ANKRD28: variants seen among roughly 807,000 people sequenced by gnomAD.
ANKRD28 encodes the protein ankyrin repeat domain 28.
Under a neutral mutation model 126.5 loss-of-function variants are expected in ANKRD28, and 44 were observed. The observed-to-expected ratio is 0.35, with a 90% confidence interval of 0.27 to 0.45. The LOEUF (loss-of-function observed/expected upper bound fraction) is 0.45, where lower values mean the gene tolerates loss of function less well. Ranked by LOEUF, ANKRD28 falls within the 20% of genes least tolerant of loss-of-function variation. The pLI is 1.00. For synonymous variants in ANKRD28, 442 were observed against 468.5 expected, an observed-to-expected ratio of 0.94 and a Z score of 0.73; for missense variants, 1,110 against 1,316.6, an observed-to-expected ratio of 0.84 and a Z score of 2.43.
intron 1 of ANKRD28, among the ~76,000 whole-genome samples, chr3:15,806,240 A>G (rs959036171): frequency 6.6e-6 from 1 of 152,154 alleles, no homozygotes; most frequent in African/African-American, 2.4e-5. Flanking sequence ...AACGATGTCA[A>G]CTCCTTTAGC....
At chr3:15,799,770 C>CTG (rs1433816688), upstream of ANKRD28, among the ~76,000 whole-genome samples, 1 of 151,926 alleles carries the variant, frequency 6.6e-6, no homozygotes, top group Non-Finnish European at 1.5e-5. Flanking sequence ...CTAAGTCAAC[C>CTG]TCCACACTTA....
intron 2 of ANKRD28, among the ~76,000 whole-genome samples, chr3:15,776,171 G>A (rs1450034884): frequency 1.3e-5 from 2 of 152,210 alleles, no homozygotes; most frequent in African/African-American, 2.4e-5. Flanking sequence ...CAAGAATGTG[G>A]TCCAAAGATG....
intron 1 of ANKRD28, among the ~76,000 whole-genome samples, chr3:15,818,947 T>A (rs1476725427): frequency 6.6e-6 from 1 of 152,162 alleles, no homozygotes; most frequent in African/African-American, 2.4e-5. Flanking sequence ...AAAGCAATTT[T>A]GAAAATCAAT....
At chr3:15,701,007 A>T (rs1297576624) in intron 14 of ANKRD28, among the ~76,000 whole-genome samples, 4 of 152,192 alleles carry the variant, frequency 2.6e-5, no homozygotes, top group Non-Finnish European at 5.9e-5. Context: ...AAATACGTCT[A>T]CCCAAATATT....
At chr3:15,684,902 TCA>T in intron 21 of ANKRD28, 1 of 255,694 alleles carries the variant, frequency 3.9e-6, no homozygotes, top group Non-Finnish European at 7.6e-6. Context: ...GGTGGGAGGA[TCA>T]CTTGATGCCA....
intron 7 of ANKRD28, 39 bp downstream of exon 7, chr3:15,724,343 G>A (rs905262396): frequency 4.0e-6 from 6 of 1,514,734 alleles, no homozygotes; most frequent in Non-Finnish European, 3.6e-6. Context: ...AAGTATAAAA[G>A]GGTTCCATAA....
At chr3:15,724,588 C>A (rs2074020514) in intron 6 of ANKRD28, 64 bp from the exon 7 acceptor site, 12 of 1,419,546 alleles carry the variant, frequency 8.5e-6, no homozygotes, top group Non-Finnish European at 1.1e-5. Flanking sequence ...AATATAATCC[C>A]AAATATCTTT....
intron 3 of ANKRD28, among the ~76,000 whole-genome samples, chr3:15,758,347 A>T (rs1255952214): frequency 6.6e-6 from 1 of 152,174 alleles, no homozygotes; most frequent in Non-Finnish European, 1.5e-5. Flanking sequence ...AAAACCAATG[A>T]CATTTCCACT....
chr3:15,782,088 T>C (rs1483541310), intron 2 of ANKRD28, among the ~76,000 whole-genome samples: 5 of 152,122 alleles, frequency 3.3e-5, no homozygotes, highest in Admixed American at 3.3e-4. Context: ...ATTTTGGCCA[T>C]TTAGAGGGCC....
chr3:15,745,500 G>T lies in ANKRD28; in HGVS notation c.351+6250C>A, dbSNP rs367780940. Reference sequence around the variant, plus strand: ...TTTCCCCACTGTTTTTGTTTGCTTTGTCAAAGATCAGTTGGCTGTAAGTAT... The same window carrying T: ...TTTCCCCACTGTTTTTGTTTGCTTTTTCAAAGATCAGTTGGCTGTAAGTAT... On this transcript the variant is annotated intron_variant, in intron 4 of 27. Coordinates refer to ENST00000683139, the MANE Select transcript of ANKRD28 (RefSeq NM_001349278.2). Among the ~76,000 whole-genome samples the T allele has an allele frequency of 2.3e-4, 35 of 152,196 alleles. 5 individuals are homozygous for T. Among genetic ancestry groups the T allele is most frequent in the Admixed American group, 9.8e-4 (15 of 15,302 alleles).
intron 1 of ANKRD28, among the ~76,000 whole-genome samples, chr3:15,820,926 C>T (rs901574119): frequency 8.5e-5 from 13 of 152,230 alleles, no homozygotes; most frequent in Admixed American, 7.2e-4. Context: ...CTAAACTTTA[C>T]AGCAATACAT....
intron 3 of ANKRD28, among the ~76,000 whole-genome samples, chr3:15,752,722 T>C (rs2057930407): frequency 6.6e-6 from 1 of 152,218 alleles, no homozygotes; most frequent in African/African-American, 2.4e-5. Flanking sequence ...AATACAGGTA[T>C]ACAAAATAAC....
intron 4 of ANKRD28, among the ~76,000 whole-genome samples, chr3:15,738,210 C>G (rs1210966815): frequency 6.6e-6 from 1 of 152,074 alleles, no homozygotes; most frequent in Non-Finnish European, 1.5e-5. Flanking sequence ...TCTATTTTCC[C>G]TAAGTGTCGG....
chr3:15,795,347 T>C lies in ANKRD28; in HGVS notation c.118-41A>G, dbSNP rs776516329. ...GTAATAAAAACATTAGAATCATCCA[T>C]GTGGGGTGACTAAGGATATTTTACA... On this transcript the variant is annotated intron_variant, in intron 1 of 27. Transcript: ENST00000683139. The C allele has an allele frequency of 2.1e-4, 276 of 1,335,100 alleles. 1 individual carries two copies. The highest frequency in any genetic ancestry group is 1.9e-5 in the Non-Finnish European group (18 of 928,208). The allele number at this position is 1,335,100 out of a possible 1,614,324, so 82.7% of individuals were successfully genotyped here.
At chr3:15,809,493 T>C (rs144540901) in intron 1 of ANKRD28, among the ~76,000 whole-genome samples, 1 of 152,284 alleles carries the variant, frequency 6.6e-6, no homozygotes, top group Admixed American at 6.5e-5. Context: ...AACTAGACAA[T>C]GTCTTCCTCA....
Position 15,804,803 on chromosome 3 carries a change from TGACA to T in ANKRD28, c.28-9501_28-9498del, listed in dbSNP as rs1252054095. ...CTACAAAGAAATGAAATCACCTAGA[TGACA>T]GACAAACATGATCCAGATGTGGAAC... On this transcript the variant is annotated intron_variant, in intron 1 of 27. Transcript: ENST00000399451. Among the ~76,000 whole-genome samples, 2 of 145,418 alleles carry T rather than the reference TGACA, an allele frequency of 1.4e-5. 1 individual carries two copies. The highest frequency in any genetic ancestry group is 3.0e-5 in the Non-Finnish European group (2 of 67,194).
At chr3:15,835,632 T>A (rs990527184) in intron 1 of ANKRD28, among the ~76,000 whole-genome samples, 14 of 152,218 alleles carry the variant, frequency 9.2e-5, no homozygotes, top group African/African-American at 3.4e-4. Flanking sequence ...CATAGCTTAG[T>A]AAGATACTTA....
At chr3:15,762,188 TAAAA>T (rs1163421626) in intron 3 of ANKRD28, among the ~76,000 whole-genome samples, 4 of 64,972 alleles carry the variant, frequency 6.2e-5, no homozygotes, top group South Asian at 6.0e-4. Flanking sequence ...ACTATGTCTT[TAAAA>T]AAAAAAAAAA....
chr3:15,842,748 T>G (rs982948113), intron 1 of ANKRD28, among the ~76,000 whole-genome samples: 2 of 152,150 alleles, frequency 1.3e-5, no homozygotes, highest in African/African-American at 4.8e-5. Context: ...CAAAAATTTT[T>G]TAAAACATAA....
Sources: allele counts gnomAD v4.1 joint callset (sites outside exome capture counted in the v4.1 genomes callset), GRCh38; gene constraint gnomAD v4.1.1; transcripts MANE v1.5; gene names NCBI Gene and HGNC (gene_info 2026-07-23, HGNC 2026-07-21).